Variants in MMD2 observed in about 807,000 individuals in gnomAD.
MMD2 encodes monocyte to macrophage differentiation associated 2.
Under a neutral mutation model 33.5 loss-of-function variants are expected in MMD2, and 30 were observed. The observed-to-expected ratio is 0.90, with a 90% CI of 0.67 to 1.22. MMD2 has a LOEUF of 1.22. Among genes scored for constraint, MMD2 ranks in the 50% most tolerant of loss-of-function variants. The probability of loss-of-function intolerance (pLI) is 0.00; values close to 1 mark genes in which losing one functional copy is unlikely to be tolerated. For missense variants in MMD2, 364 were observed against 325.4 expected (o/e 1.12, Z -0.91); for synonymous variants, 129 against 123.0 (o/e 1.05, Z -0.32).
chr7:4,910,110 G>T (rs752312609), intron 5 of MMD2, 160 bp from the exon 6 acceptor site: 1 of 1,525,772 alleles, frequency 6.6e-7, no homozygotes, highest in Admixed American at 1.8e-5. Context: ...ATTTCACCCA[G>T]CTACATCCAA....
chr7:4,956,771 CG>C, intron 1 of MMD2, among the ~76,000 whole-genome samples: 1 of 152,220 alleles, frequency 6.6e-6, no homozygotes, highest in East Asian at 1.9e-4. Flanking sequence ...GGGACAGGCC[CG>C]GGCTGGTTGC....
chr7:4,904,122 G>A (rs918365939), downstream of MMD2, among the ~76,000 whole-genome samples: 11 of 152,086 alleles, frequency 7.2e-5, no homozygotes, highest in Non-Finnish European at 1.3e-4. Flanking sequence ...TAGTAGAGAC[G>A]GGGTTTCACC....
intron 1 of MMD2, among the ~76,000 whole-genome samples, chr7:4,926,600 T>C (rs1785434588): frequency 6.6e-6 from 1 of 152,080 alleles, no homozygotes; most frequent in South Asian, 2.1e-4. Flanking sequence ...GCCGTTGTCT[T>C]CTTGGACTTG....
intron 3 of MMD2, 126 bp downstream of exon 3, chr7:4,920,045 G>A: frequency 8.7e-7 from 1 of 1,149,370 alleles, no homozygotes; most frequent in South Asian, 1.6e-5. Flanking sequence ...GCCCAGCCCA[G>A]CCCCTCCCAG....
intron 1 of MMD2, among the ~76,000 whole-genome samples, chr7:4,949,993 T>G (rs763453613): frequency 7.9e-5 from 12 of 152,194 alleles, no homozygotes; most frequent in Non-Finnish European, 1.5e-4. Flanking sequence ...ATAATTTTTT[T>G]CACTGTGGTA....
chr7:4,910,057 G>T (rs1784968405), intron 5 of MMD2, 107 bp from the exon 6 acceptor site: 3 of 1,610,164 alleles, frequency 1.9e-6, no homozygotes, highest in Non-Finnish European at 2.5e-6. Flanking sequence ...CCAGAACAGT[G>T]AGAAGAAAGG....
At chr7:4,904,985 T>C (rs1784842828), downstream of MMD2, among the ~76,000 whole-genome samples, 2 of 152,092 alleles carry the variant, frequency 1.3e-5, no homozygotes, top group South Asian at 2.1e-4. Flanking sequence ...AACTGGACTT[T>C]GAAGGATGAG....
chr7:4,900,327 G>T, the MMD2 span, among the ~76,000 whole-genome samples: 1 of 152,160 alleles, frequency 6.6e-6, no homozygotes, highest in African/African-American at 2.4e-5. Context: ...AATACAAGAA[G>T]AGGGATGTGA....
At chr7:4,935,513 A>C (rs896627434) in intron 1 of MMD2, among the ~76,000 whole-genome samples, 2 of 151,682 alleles carry the variant, frequency 1.3e-5, no homozygotes, top group Non-Finnish European at 2.9e-5. Context: ...TTATTTCCAC[A>C]AAAAAATAAA....
At chr7:4,942,999 CTTTTCTT>C (rs1433882238) in intron 1 of MMD2, among the ~76,000 whole-genome samples, 5 of 141,590 alleles carry the variant, frequency 3.5e-5, no homozygotes, top group Non-Finnish European at 4.5e-5. Context: ...AGGTCCTGCC[CTTTTCTT>C]TTTTTTTTTT....
chr7:4,958,938 C>A, intron 1 of MMD2, 33 bp downstream of exon 1: 1 of 1,290,802 alleles, frequency 7.7e-7, no homozygotes, highest in Non-Finnish European at 9.9e-7. Flanking sequence ...GCCCCTCCCT[C>A]CCTCCCCGCG....
At chr7:4,919,657 G>T (rs565334162) in intron 3 of MMD2, among the ~76,000 whole-genome samples, 12 of 152,058 alleles carry the variant, frequency 7.9e-5, no homozygotes, top group African/African-American at 2.7e-4. Flanking sequence ...AGGCCGAGGT[G>T]GGTGGACCAT....
chr7:4,907,712 C>G (rs1784899900), intron 6 of MMD2, 113 bp from the exon 7 acceptor site: 2 of 927,654 alleles, frequency 2.2e-6, no homozygotes, highest in Non-Finnish European at 1.7e-6. Flanking sequence ...GCAAACCAGC[C>G]CAGACTCCCA....
intron 1 of MMD2, among the ~76,000 whole-genome samples, chr7:4,941,093 G>A (rs1785895672): frequency 6.6e-6 from 1 of 152,144 alleles, no homozygotes; most frequent in African/African-American, 2.4e-5. Context: ...CCCCAACAAA[G>A]ATGGGGGCCC....
the MMD2 span, among the ~76,000 whole-genome samples, chr7:4,894,224 G>T: frequency 6.6e-6 from 1 of 152,140 alleles, no homozygotes; most frequent in Non-Finnish European, 1.5e-5. The surrounding 1 kb of genome is among the most constrained non-coding windows in gnomAD (Gnocchi z 4.3). Context: ...TCTTTCTCTT[G>T]AGACACTTGC....
chr7:4,905,353 G>A (rs1039279158), downstream of MMD2, among the ~76,000 whole-genome samples: 3 of 148,758 alleles, frequency 2.0e-5, no homozygotes, highest in Non-Finnish European at 4.5e-5. This position sits in a 1 kb window ranked among gnomAD's most constrained non-coding sequence, Gnocchi z 5.0. Context: ...AGAGGAGGAG[G>A]AGAAGGAGGA....
At chr7:4,935,190 A>C (rs1785704072) in intron 1 of MMD2, among the ~76,000 whole-genome samples, 1 of 151,428 alleles carries the variant, frequency 6.6e-6, no homozygotes, top group African/African-American at 2.4e-5. Context: ...TGCCTCAAAA[A>C]AAGAAAAAAA....
chr7:4,920,738 C>T (rs1163440506), intron 2 of MMD2, among the ~76,000 whole-genome samples: 1 of 135,338 alleles, frequency 7.4e-6, no homozygotes, highest in African/African-American at 2.7e-5. Flanking sequence ...TTCTCTCTTC[C>T]GTCCTTCCTT....
At chr7:4,910,306 G>T (rs1215780365) in intron 5 of MMD2, among the ~76,000 whole-genome samples, 1 of 152,116 alleles carries the variant, frequency 6.6e-6, no homozygotes, top group Non-Finnish European at 1.5e-5. Context: ...TTCCCACAAG[G>T]CCCAAGCAGC....
Sources: gnomAD v4.1 joint callset for allele counts (sites outside exome capture counted in the v4.1 genomes callset) on GRCh38, gnomAD v4.1.1 for gene constraint, Gnocchi (gnomAD v3.1) non-coding constraint, MANE v1.5 for transcripts, NCBI Gene and HGNC (gene_info 2026-07-23, HGNC 2026-07-21) for gene names.